LIPC: variants seen among roughly 807,000 people sequenced by gnomAD.
The protein encoded by LIPC is hepatic triacylglycerol lipase.
LIPC carries 44 observed loss-of-function variants against 50.7 expected under a neutral mutation model. That is an observed-to-expected ratio of 0.87 (90% CI 0.68 to 1.11). The LOEUF (loss-of-function observed/expected upper bound fraction) is 1.11. Ranked by LOEUF, LIPC falls within the 50% of genes most tolerant of loss-of-function variation. The probability of loss-of-function intolerance (pLI) is 0.00; values close to 1 mark genes in which losing one functional copy is unlikely to be tolerated. For missense variants in LIPC, 697 were observed against 648.2 expected (o/e 1.08, Z -0.82); for synonymous variants, 271 against 256.4 (o/e 1.06, Z -0.54).
intron 1 of LIPC, among the ~76,000 whole-genome samples, chr15:58,521,017 C>A (rs1892635967): frequency 6.6e-6 from 1 of 152,028 alleles, no homozygotes; most frequent in African/African-American, 2.4e-5. Flanking sequence ...AAAGAATATC[C>A]GGAACTTGCT....
chr15:58,563,864 G>C (rs1372982085), intron 8 of LIPC, 141 bp downstream of exon 8: 1 of 774,310 alleles, frequency 1.3e-6, no homozygotes, highest in Admixed American at 2.0e-5. Context: ...TCAGAAAGGT[G>C]AAGTGACTAT....
chr15:58,563,791 T>C, intron 8 of LIPC, 68 bp downstream of exon 8: 2 of 1,251,322 alleles, frequency 1.6e-6, no homozygotes, highest in South Asian at 2.5e-5. Flanking sequence ...GTCTCACAAT[T>C]TAATACTCAC....
chr15:58,550,154 G>A (rs910503285), intron 6 of LIPC, among the ~76,000 whole-genome samples: 2 of 152,186 alleles, frequency 1.3e-5, no homozygotes, highest in East Asian at 3.8e-4. Context: ...TCCAAAGAGT[G>A]AGCAGAGTGA....
At chr15:58,522,356 T>A (rs1378435818) in intron 1 of LIPC, 4 of 152,700 alleles carry the variant, frequency 2.6e-5, no homozygotes, top group African/African-American at 9.6e-5. Context: ...ACCAAGGCCA[T>A]GCTGCAAACA....
intron 1 of LIPC, among the ~76,000 whole-genome samples, chr15:58,487,978 C>T (rs1182659117): frequency 6.6e-6 from 1 of 152,172 alleles, no homozygotes; most frequent in Non-Finnish European, 1.5e-5. Context: ...GTTTCTTCAT[C>T]AGTAAGGAAG....
chr15:58,432,086 C>G lies in LIPC; in HGVS notation c.54C>G (p.Ile18Met), dbSNP rs1388586915. The change falls in exon 1 of 9, where the codon ATC (isoleucine) becomes ATG (methionine). Residue 18 changes from isoleucine to methionine, a missense_variant. Ile to Met is a conservative substitution (Grantham distance 10, BLOSUM62 1). Coordinates refer to ENST00000299022, the MANE Select transcript of LIPC (RefSeq NM_000236.3). ...TTCTGTTGGTTTTATGCATCTTTAT[C>G]CAATCAAGTGCCCTTGGACAAAGCC... ...FSILLVLCIFIQSSALGQSLK... is the reference protein window; with the variant it reads ...FSILLVLCIFMQSSALGQSLK... 2.5e-6 allele frequency: 4 copies of G among 1,613,872 alleles called. No homozygotes were observed. Among genetic ancestry groups the G allele is most frequent in the Non-Finnish European group, 3.4e-6 (4 of 1,179,902 alleles).
intron 1 of LIPC, chr15:58,432,407 A>T: frequency 4.5e-6 from 2 of 443,816 alleles, no homozygotes; most frequent in Non-Finnish European, 8.3e-6. Flanking sequence ...AAAGTTATTC[A>T]GCGGCAAATG....
At chr15:58,454,133 C>T (rs1894020857) in intron 1 of LIPC, among the ~76,000 whole-genome samples, 2 of 152,168 alleles carry the variant, frequency 1.3e-5, no homozygotes, top group African/African-American at 4.8e-5. Flanking sequence ...TCCTGAGCAC[C>T]TGTTCTCTCC....
intron 1 of LIPC, among the ~76,000 whole-genome samples, chr15:58,441,027 G>A (rs192016272): frequency 1.6e-4 from 24 of 152,284 alleles, no homozygotes; most frequent in Non-Finnish European, 1.6e-4. Flanking sequence ...TTAAAAGGCT[G>A]CCTTTCCCAG....
chr15:58,524,852 T>G (rs1188215487), intron 1 of LIPC, among the ~76,000 whole-genome samples: 1 of 152,208 alleles, frequency 6.6e-6, no homozygotes, highest in Non-Finnish European at 1.5e-5. Flanking sequence ...TTTTTCTCAC[T>G]TTATTGTTCA....
chr15:58,556,689 A>G (rs1484996736), intron 6 of LIPC, among the ~76,000 whole-genome samples: 1 of 152,192 alleles, frequency 6.6e-6, no homozygotes. Context: ...TCATTCCAAA[A>G]ATAGCTTTTA....
At chr15:58,487,640 G>A (rs989356581) in intron 1 of LIPC, among the ~76,000 whole-genome samples, 4 of 152,154 alleles carry the variant, frequency 2.6e-5, no homozygotes. Context: ...CAATTCCAGA[G>A]TACATGCCAT....
intron 1 of LIPC, among the ~76,000 whole-genome samples, chr15:58,486,458 G>A (rs1950842953): frequency 1.3e-5 from 2 of 152,182 alleles, no homozygotes; most frequent in East Asian, 3.9e-4. Flanking sequence ...GCACTCATTG[G>A]TTCTCTCCTC....
intron 1 of LIPC, chr15:58,494,872 A>G (rs1296360320): frequency 6.6e-6 from 3 of 455,862 alleles, no homozygotes; most frequent in African/African-American, 2.0e-5. Context: ...TTCCTTAGCA[A>G]CCCTGGTTTT....
At chr15:58,441,600 G>A (rs1319986792) in intron 1 of LIPC, among the ~76,000 whole-genome samples, 2 of 152,178 alleles carry the variant, frequency 1.3e-5, no homozygotes, top group African/African-American at 4.8e-5. Context: ...CTGCAGCAAG[G>A]GAGAGCTCAC....
At chr15:58,541,633 C>G in intron 2 of LIPC, 152 bp from the exon 3 acceptor site, 7 of 788,744 alleles carry the variant, frequency 8.9e-6, no homozygotes, top group Non-Finnish European at 1.5e-5. Flanking sequence ...GCCCCCACAA[C>G]AAGGAATTCT....
intron 1 of LIPC, among the ~76,000 whole-genome samples, chr15:58,498,200 GC>G (rs1204242735): frequency 1.3e-5 from 2 of 152,130 alleles, no homozygotes; most frequent in Non-Finnish European, 1.5e-5. Flanking sequence ...ACTGAAAAAA[GC>G]CAATAGTCTC....
Position 58,545,660 on chromosome 15 carries a change from A to G in LIPC, c.575-82A>G, listed in dbSNP as rs547434305. ...TCTTCCTGCTAGTTCACTGATGTAT[A>G]ATAATATCCAAAAGCTAAAAAGCAC... On this transcript the variant is annotated intron_variant, in intron 4 of 8. Coordinates refer to ENST00000299022, the MANE Select transcript of LIPC (RefSeq NM_000236.3). The G allele has an allele frequency of 1.5e-5, 18 of 1,169,166 alleles. No homozygotes were observed. In the East Asian group the frequency reaches 2.4e-4, roughly 16 times the overall value. 72.4% of individuals were successfully genotyped at this position (1,169,166 alleles called of 1,614,324 possible).
intron 6 of LIPC, among the ~76,000 whole-genome samples, chr15:58,555,343 G>T (rs1893901382): frequency 6.6e-6 from 1 of 152,178 alleles, no homozygotes; most frequent in Non-Finnish European, 1.5e-5. Flanking sequence ...CAGGATGGAT[G>T]TCAAGGGGTC....
Sources: allele counts gnomAD v4.1 joint callset (sites outside exome capture counted in the v4.1 genomes callset), GRCh38; gene constraint gnomAD v4.1.1; transcripts MANE v1.5; gene names NCBI Gene and HGNC (gene_info 2026-07-23, HGNC 2026-07-21).